NFKBIA: variants seen among roughly 807,000 people sequenced by gnomAD.
NFKBIA encodes the protein NF-kappa-B inhibitor alpha.
NFKBIA carries 10 observed loss-of-function variants against 36.3 expected under a neutral mutation model. The observed-to-expected ratio is 0.28, with a 90% CI of 0.17 to 0.47. The LOEUF (loss-of-function observed/expected upper bound fraction) is 0.47. NFKBIA is among the 20% of genes least tolerant of loss of function. The pLI is 0.99. For missense variants in NFKBIA, 355 were observed against 399.3 expected (o/e 0.89, Z 0.94); for synonymous variants, 205 against 164.4 (o/e 1.25, Z -1.89).
At chr14:35,404,298 C>G in intron 1 of NFKBIA, 120 bp downstream of exon 1, 1 of 672,510 alleles carries the variant, frequency 1.5e-6, no homozygotes, top group Non-Finnish European at 2.1e-6. Context: ...GGTGCCGCGG[C>G]GCCCGCCCGG....
chr14:35,402,268 AT>A, intron 5 of NFKBIA, 125 bp downstream of exon 5: 1 of 995,226 alleles, frequency 1.0e-6, no homozygotes, highest in Non-Finnish European at 1.5e-6. Flanking sequence ...GATACTGGTT[AT>A]GCACAGAAAT....
chr14:35,403,849 G>C, intron 1 of NFKBIA, 51 bp from the exon 2 acceptor site: 2 of 1,350,440 alleles, frequency 1.5e-6, no homozygotes, highest in South Asian at 2.4e-5. Context: ...CACCGCGTGG[G>C]GCCCAGGGAG....
chr14:35,403,144 A>G lies in NFKBIA; in HGVS notation c.547+6T>C. ...GGGGTGGGGCAGGGCAGGGAGGCAGACATACCATTGTAGTTGGTAGCCTTC... is the reference window on the plus strand; with the variant it reads ...GGGGTGGGGCAGGGCAGGGAGGCAGGCATACCATTGTAGTTGGTAGCCTTC... On this transcript the variant is annotated splice_donor_region_variant and intron_variant, in intron 3 of 5. Coordinates refer to ENST00000216797, the MANE Select transcript of NFKBIA (RefSeq NM_020529.3). 1 of 1,609,798 alleles carries G rather than the reference A, an allele frequency of 6.2e-7. No homozygotes were observed. Among genetic ancestry groups the G allele is most frequent in the Non-Finnish European group, 8.5e-7 (1 of 1,178,010 alleles).
At chr14:35,402,726 G>A (rs370193004) in intron 4 of NFKBIA, 45 bp downstream of exon 4, 1 of 1,613,964 alleles carries the variant, frequency 6.2e-7, no homozygotes. Context: ...CACAACATAA[G>A]CACGAGGAGC....
rs1594426580 is a variant in NFKBIA at position 35,402,857 on chromosome 14, G to A, written c.550C>T (p.His184Tyr). The change falls in exon 4 of 6, where the codon CAC (histidine) becomes TAC (tyrosine). Residue 184 changes from histidine (H) to tyrosine (Y), a missense_variant and splice_region_variant. Transcript: ENST00000216797. ...ATAGAGGCTAAGTGTAGACACGTGT[G>A]GCCTGGAAGAACAAAAGGAAAAAAG... ...SILKATNYNGHTCLHLASIHG... is the reference protein window; with the variant it reads ...SILKATNYNGYTCLHLASIHG... 6.2e-7 allele frequency: 1 copy of A among 1,613,830 alleles called. No homozygotes were observed.
intron 5 of NFKBIA, 73 bp downstream of exon 5, chr14:35,402,321 G>T: frequency 6.4e-7 from 1 of 1,569,772 alleles, no homozygotes; most frequent in Non-Finnish European, 8.8e-7. Context: ...ATAAGGAGCA[G>T]CTCTAGGGGC....
chr14:35,404,397 C>T (rs1161389393), intron 1 of NFKBIA, 21 bp downstream of exon 1: 2 of 1,541,952 alleles, frequency 1.3e-6, no homozygotes, highest in Non-Finnish European at 8.7e-7. Context: ...CGACCCCCAG[C>T]CCCGGGCCTC....
rs535046409 is a variant in NFKBIA, at chr14:35,401,788, A to G, written c.*225T>C. On this transcript the variant is annotated 3_prime_UTR_variant, in exon 6 of 6. Coordinates refer to ENST00000216797, the MANE Select transcript of NFKBIA (RefSeq NM_020529.3). ...CCCCACAAAGGTGAGGTTTAAAAGA[A>G]GTTTTCTCAGAATTTCAATGATCTT... The G allele has an allele frequency of 1.7e-6, 1 of 585,910 alleles. No homozygotes were observed. Among genetic ancestry groups the G allele is most frequent in the African/African-American group, 1.9e-5 (1 of 53,488 alleles). The allele number at this position is 585,910 out of a possible 1,614,324, so 36.3% of individuals were successfully genotyped here.
chr14:35,403,992 CCCGGCGGGCG>C lies in NFKBIA; in HGVS notation c.228-204_228-195del, dbSNP rs1239374683. The C allele has an allele frequency of 3.3e-5, 20 of 606,242 alleles. No homozygotes were observed. The East Asian group carries it at 3.7e-4, about 11-fold the overall frequency. The allele number at this position is 606,242 out of a possible 1,614,324, so 37.6% of individuals were successfully genotyped here. A position where few individuals can be genotyped will look rare whatever the true frequency, so the allele number is the denominator to read the frequency against. On this transcript the variant is annotated intron_variant, in intron 1 of 5. Coordinates refer to ENST00000216797, the MANE Select transcript of NFKBIA (RefSeq NM_020529.3). ...CTTTCCGCCCCCCTCCCCCCGCGGC[CCCGGCGGGCG>C]CCGGCCAGACCGCCCCGCCCTCCCG...
Position 35,403,943 on chromosome 14 carries a change from G to A in NFKBIA, c.228-145C>T. The A allele has an allele frequency of 4.3e-6, 3 of 697,878 alleles. No homozygotes were observed. The Admixed American group carries it at 6.1e-5, about 14-fold the overall frequency. The allele number at this position is 697,878 out of a possible 1,614,324, so 43.2% of individuals were successfully genotyped here. On this transcript the variant is annotated intron_variant, in intron 1 of 5. Coordinates refer to ENST00000216797, the MANE Select transcript of NFKBIA (RefSeq NM_020529.3). ...TTTCCGCGAGGTTATTATGAGCTGA[G>A]TGTTCCTGGCAGGCGCCCAGGGACT...
At position 35,401,540 on chromosome 14, in the gene NFKBIA, C is replaced by T. The variant is rs2052725355; in HGVS notation, c.*473G>A. The T allele has an allele frequency of 4.5e-6, 1 of 220,526 alleles. No individual in the cohort carries two copies. Among genetic ancestry groups the T allele is most frequent in the African/African-American group, 2.3e-5 (1 of 43,582 alleles). 13.7% of individuals were successfully genotyped at this position (220,526 alleles called of 1,614,324 possible). On this transcript the variant is annotated 3_prime_UTR_variant, in exon 6 of 6. Coordinates refer to ENST00000216797, the MANE Select transcript of NFKBIA (RefSeq NM_020529.3). The stretch of plus-strand genomic sequence containing the variant: ...TGTAAAAATCTGTTTAATAAATATA[C>T]ATCATAAAAGTACCAAAATAATTAC...
Position 35,401,904 on chromosome 14 carries a change from G to T in NFKBIA, c.*109C>A. On this transcript the variant is annotated 3_prime_UTR_variant, in exon 6 of 6. Coordinates refer to ENST00000216797, the MANE Select transcript of NFKBIA (RefSeq NM_020529.3). ...TTTTGGGCCAGGCAGTGTGCAGTGT[G>T]GATATAAGTACACCCTTTAAATTTT... 8.1e-7 allele frequency: 1 copy of T among 1,232,142 alleles called. No individual in the cohort carries two copies. 76.3% of individuals were successfully genotyped at this position (1,232,142 alleles called of 1,614,324 possible).
chr14:35,402,916 CCTATT>C lies in NFKBIA; in HGVS notation c.548-62_548-58del. The C allele has an allele frequency of 2.0e-6, 3 of 1,510,014 alleles. No homozygotes were observed. In the South Asian group the frequency reaches 3.4e-5, roughly 17 times the overall value. The allele number at this position is 1,510,014 out of a possible 1,614,324, so 93.5% of individuals were successfully genotyped here. ...CCTGTTTCAACCCTCACTCCTTTCA[CCTATT>C]CTTTTATGGAACAAGTAGTCTTATC... On this transcript the variant is annotated intron_variant, in intron 3 of 5. Transcript: ENST00000216797.
At position 35,403,813 on chromosome 14, in the gene NFKBIA, G is replaced by C; in HGVS notation, c.228-15C>G. ...AGTGCAGGAACCTGTGGGGAAGAGAGGGAAAAACCCCAGGGGTGGTGAGTG... is the reference window on the plus strand; with the variant it reads ...AGTGCAGGAACCTGTGGGGAAGAGACGGAAAAACCCCAGGGGTGGTGAGTG... On this transcript the variant is annotated splice_polypyrimidine_tract_variant and intron_variant, in intron 1 of 5. Coordinates refer to ENST00000216797, the MANE Select transcript of NFKBIA (RefSeq NM_020529.3). The C allele has an allele frequency of 6.3e-7, 1 of 1,597,326 alleles. No homozygotes were observed.
intron 5 of NFKBIA, 99 bp downstream of exon 5, chr14:35,402,295 T>A (rs541039535): frequency 7.0e-7 from 1 of 1,436,956 alleles, no homozygotes; most frequent in Non-Finnish European, 9.8e-7. Flanking sequence ...AGACTCATTA[T>A]GTAGATACCC....
In NFKBIA at chr14:35,401,962, CTTTT is replaced by C. The variant is rs748787798; in HGVS notation, c.*47_*50del. The C allele has an allele frequency of 4.4e-6, 7 of 1,583,424 alleles. No individual in the cohort carries two copies. The African/African-American group carries it at 6.8e-5, about 15-fold the overall frequency. On this transcript the variant is annotated 3_prime_UTR_variant, in exon 6 of 6. Coordinates refer to ENST00000216797, the MANE Select transcript of NFKBIA (RefSeq NM_020529.3). ...TTTTTCTTTTTTTAGAAAAATAAAACTTTTTTTTTGTACAAATATACAAGTCCAT... is the reference window on the plus strand; with the variant it reads ...TTTTTCTTTTTTTAGAAAAATAAAACTTTTTGTACAAATATACAAGTCCAT...
At chr14:35,404,210 C>T (rs1264659678) in intron 1 of NFKBIA, 3 of 319,972 alleles carry the variant, frequency 9.4e-6, no homozygotes, top group African/African-American at 6.8e-5. Context: ...AGGGCCCAGC[C>T]GCCGCCCCTC....
In NFKBIA at chr14:35,403,220, G is replaced by T. The variant is rs199877737; in HGVS notation, c.477C>A (p.Ser159Arg). 65 of 1,612,620 alleles carry T rather than the reference G, an allele frequency of 4.0e-5. No individual in the cohort carries two copies. The highest frequency in any genetic ancestry group is 5.4e-5 in the Non-Finnish European group (64 of 1,180,010). Reference protein sequence around the residue: ...HLACEQGCLASVGVLTQSCTT... With the variant: ...HLACEQGCLARVGVLTQSCTT... ...TGCAGGACTGAGTCAGGACTCCCAC[G>T]CTGGCCAGGCAGCCCTGCTCACAGG... The change falls in exon 3 of 6, where the codon AGC becomes AGA. Residue 159 changes from serine (S) to arginine (R), a missense_variant. Physicochemically the swap from Ser to Arg is moderately radical, Grantham distance 110 (BLOSUM62 -1). Transcript: ENST00000216797.
chr14:35,403,539 C>A (rs943392366), intron 2 of NFKBIA, 151 bp downstream of exon 2: 30 of 876,072 alleles, frequency 3.4e-5, no homozygotes, highest in Non-Finnish European at 4.7e-5. Context: ...AGTGGAATTT[C>A]CTTCACTCTC....
Sources: gnomAD v4.1 joint callset for allele counts on GRCh38, gnomAD v4.1.1 for gene constraint, MANE v1.5 for transcripts, NCBI Gene and HGNC (gene_info 2026-07-23, HGNC 2026-07-21) for gene names.